The following ASXL2 variants were observed in gnomAD, a reference collection of about 807,000 sequenced individuals.
ASXL2 encodes putative Polycomb group protein ASXL2.
A neutral mutation model predicts 122.0 loss-of-function variants in ASXL2; 23 were observed. The observed-to-expected ratio is 0.19, with a 90% CI of 0.14 to 0.27. ASXL2 has a LOEUF of 0.27. Ranked by LOEUF, ASXL2 falls within the 10% of genes least tolerant of loss-of-function variation. The probability of loss-of-function intolerance (pLI) is 1.00; values close to 1 mark genes in which losing one functional copy is unlikely to be tolerated. For synonymous variants in ASXL2, 650 were observed against 637.0 expected, an observed-to-expected ratio of 1.02 and a Z score of -0.31; for missense variants, 1,518 against 1,713.8, an observed-to-expected ratio of 0.89 and a Z score of 2.02.
chr2:25,800,349 TGTAA>T, intron 4 of ASXL2, among the ~76,000 whole-genome samples: 1 of 152,284 alleles, frequency 6.6e-6, no homozygotes, highest in African/African-American at 2.4e-5. Context: ...CATGTGTGTA[TGTAA>T]GTACCACTAT....
intron 1 of ASXL2, among the ~76,000 whole-genome samples, chr2:25,855,032 G>A (rs1006548786): frequency 2.6e-5 from 4 of 152,154 alleles, no homozygotes; most frequent in Non-Finnish European, 5.9e-5. Context: ...AGACAGTGCC[G>A]CTCACACACT....
intron 2 of ASXL2, among the ~76,000 whole-genome samples, chr2:25,836,093 T>C (rs947660307): frequency 1.3e-5 from 2 of 152,150 alleles, no homozygotes; most frequent in South Asian, 2.1e-4. Flanking sequence ...TGAAAGCAGA[T>C]TGCAACTAAC....
intron 1 of ASXL2, among the ~76,000 whole-genome samples, chr2:25,856,142 C>T (rs182754013): frequency 2.6e-5 from 4 of 151,766 alleles, no homozygotes; most frequent in African/African-American, 9.7e-5. Context: ...CTGCAACCTC[C>T]GCCTCCTGGG....
intron 3 of ASXL2, among the ~76,000 whole-genome samples, chr2:25,809,296 G>GA (rs71399325): frequency 0.051 from 7,407 of 143,922 alleles, 285 homozygotes; most frequent in African/African-American, 0.1. Context: ...CACTTCTAAT[G>GA]AAAAAAAAAA....
chr2:25,834,993 T>C (rs907729285), intron 3 of ASXL2, among the ~76,000 whole-genome samples: 2 of 152,090 alleles, frequency 1.3e-5, no homozygotes, highest in African/African-American at 4.8e-5. Flanking sequence ...CAGCTAATTT[T>C]TGGATTTTTT....
rs374567068 is a variant in ASXL2 at position 25,790,327 on chromosome 2, TG to T, written c.403+9057del. On this transcript the variant is annotated intron_variant, in intron 5 of 12. Transcript: ENST00000435504. ...ATGAGTCGCAGTTGCGGGGTGGGGGTGGGGGGGGTGTGAGAAGCGCATGAGC... is the reference window on the plus strand; with the variant it reads ...ATGAGTCGCAGTTGCGGGGTGGGGGTGGGGGGGTGTGAGAAGCGCATGAGC... 4.0e-3 allele frequency among the ~76,000 whole-genome samples: 44 copies of T among 10,950 alleles called. No homozygotes were observed. In the East Asian group the frequency reaches 0.051, roughly 13 times the overall value. The allele number at this position is 10,950 out of a possible 152,430, so 7.2% of individuals were successfully genotyped here.
intron 8 of ASXL2, among the ~76,000 whole-genome samples, chr2:25,764,439 A>G (rs2088308168): frequency 6.6e-6 from 1 of 152,232 alleles, no homozygotes; most frequent in South Asian, 2.1e-4. Flanking sequence ...ACAAAAAGAT[A>G]AATAAATAAA....
chr2:25,856,573 AG>A lies in ASXL2; in HGVS notation c.58-11011del, dbSNP rs1337322375. On this transcript the variant is annotated intron_variant, in intron 1 of 12. Transcript: ENST00000435504. ...TATTTCGCCAGACGCTCCAAGGGGT[AG>A]GGGGCGCCAGTCTTGATCTGTCCTG... The A allele has an allele frequency of 4.3e-6, 5 of 1,158,208 alleles. No individual in the cohort carries two copies. In the African/African-American group the frequency reaches 6.1e-5, roughly 14 times the overall value. 71.7% of individuals were successfully genotyped at this position (1,158,208 alleles called of 1,614,324 possible). A position where few individuals can be genotyped will look rare whatever the true frequency, so the allele number is the denominator to read the frequency against.
chr2:25,854,060 GAGA>G (rs1361736183), intron 1 of ASXL2, among the ~76,000 whole-genome samples: 5 of 152,150 alleles, frequency 3.3e-5, no homozygotes, highest in Non-Finnish European at 7.4e-5. Context: ...CAGATATACA[GAGA>G]AGATTACAGA....
intron 3 of ASXL2, among the ~76,000 whole-genome samples, chr2:25,818,994 C>T (rs1380746353): frequency 1.3e-5 from 2 of 152,180 alleles, no homozygotes; most frequent in Non-Finnish European, 1.5e-5. Flanking sequence ...TCCTTGCTGG[C>T]TTTGAGGAAG....
Position 25,750,035 on chromosome 2 carries a change from G to A in ASXL2, c.1521C>T (p.Thr507=). The A allele has an allele frequency of 6.2e-7, 1 of 1,613,996 alleles. No homozygotes were observed. The highest frequency in any genetic ancestry group is 8.5e-7 in the Non-Finnish European group (1 of 1,179,894). The change falls in exon 12 of 13, where the codon ACC becomes ACT. Residue 507 remains threonine, a synonymous_variant. Coordinates refer to ENST00000435504, the MANE Select transcript of ASXL2 (RefSeq NM_018263.6). ...AEQESEKNHL[T]TASNYNKSES... ...CACTTTTGTTATAATTAGAAGCTGTGGTGAGATGGTTCTTCTCAGATTCCT... is the reference window on the plus strand; with the variant it reads ...CACTTTTGTTATAATTAGAAGCTGTAGTGAGATGGTTCTTCTCAGATTCCT...
Position 25,817,300 on chromosome 2 carries a change from G to A in ASXL2, c.144-10963C>T, listed in dbSNP as rs78909722. Among the ~76,000 whole-genome samples the A allele has an allele frequency of 3.0e-3, 454 of 152,224 alleles. 1 individual carries two copies. The highest frequency in any genetic ancestry group is 0.01 in the African/African-American group (430 of 41,540). ...TGCAATTAGGTAACATATAAGAAAC[G>A]TAAATGTTTTCTACTTTTTTCAACT... On this transcript the variant is annotated intron_variant, in intron 3 of 12. Transcript: ENST00000435504.
chr2:25,809,626 G>A (rs2089136569), intron 3 of ASXL2, among the ~76,000 whole-genome samples: 1 of 152,154 alleles, frequency 6.6e-6, no homozygotes, highest in Non-Finnish European at 1.5e-5. Flanking sequence ...TTTTACAAAT[G>A]GTTGCTATAA....
intron 6 of ASXL2, among the ~76,000 whole-genome samples, chr2:25,769,470 G>A (rs1002925635): frequency 6.6e-6 from 1 of 152,094 alleles, no homozygotes; most frequent in Non-Finnish European, 1.5e-5. Flanking sequence ...AACAGAGGGG[G>A]AAGACTAGAC....
chr2:25,808,357 G>C (rs936635286), intron 3 of ASXL2, among the ~76,000 whole-genome samples: 1 of 152,200 alleles, frequency 6.6e-6, no homozygotes, highest in African/African-American at 2.4e-5. Flanking sequence ...TTTTGAGACA[G>C]AGTCTCACTC....
At chr2:25,783,796 C>CT (rs1455252357) in intron 5 of ASXL2, among the ~76,000 whole-genome samples, 1 of 150,602 alleles carries the variant, frequency 6.6e-6, no homozygotes, top group Non-Finnish European at 1.5e-5. Context: ...TGGCTCACGA[C>CT]TGTAATGCCA....
At chr2:25,792,019 C>G (rs2088841932) in intron 5 of ASXL2, among the ~76,000 whole-genome samples, 1 of 152,138 alleles carries the variant, frequency 6.6e-6, no homozygotes, top group Non-Finnish European at 1.5e-5. Context: ...TTTCTTGAGA[C>G]AGGGTCTCGC....
At chr2:25,772,922 G>T (rs2088481204) in intron 5 of ASXL2, among the ~76,000 whole-genome samples, 1 of 151,908 alleles carries the variant, frequency 6.6e-6, no homozygotes, top group Non-Finnish European at 1.5e-5. Context: ...TTAAGATGAT[G>T]ACTTGGCCGG....
intron 5 of ASXL2, among the ~76,000 whole-genome samples, chr2:25,781,959 CTTTTTTCTTTTTTT>C (rs1162081743): frequency 5.7e-5 from 5 of 88,400 alleles, no homozygotes; most frequent in Non-Finnish European, 9.4e-5. Context: ...ACCGCCCGGG[CTTTTTTCTTTTTTT>C]TTTTTTTTTT....
Sources: gnomAD v4.1 joint callset for allele counts (sites outside exome capture counted in the v4.1 genomes callset) on GRCh38, gnomAD v4.1.1 for gene constraint, MANE v1.5 for transcripts, NCBI Gene and HGNC (gene_info 2026-07-23, HGNC 2026-07-21) for gene names.